Variants in KCNQ1 observed in about 807,000 individuals in gnomAD.
KCNQ1 encodes potassium voltage-gated channel subfamily KQT member 1.
In KCNQ1, 49 loss-of-function variants were observed where a neutral mutation model predicts 72.4. That is an observed-to-expected ratio of 0.68 (90% CI 0.54 to 0.86). The LOEUF (loss-of-function observed/expected upper bound fraction) is 0.86. KCNQ1 is among the 40% of genes least tolerant of loss of function. KCNQ1 has a pLI of 0.00. For missense variants in KCNQ1, 790 were observed against 945.1 expected (o/e 0.84, Z 2.15); for synonymous variants, 450 against 412.6 (o/e 1.09, Z -1.10).
chr11:2,457,504 A>G lies in KCNQ1; in HGVS notation c.386+12020A>G, dbSNP rs1846214509. Reference sequence around the variant, plus strand: ...GGATGCAGCTGGAGGTCGTTATCCTAAGTGAATTAATGCAGAAACTGAAAA... The same window carrying G: ...GGATGCAGCTGGAGGTCGTTATCCTGAGTGAATTAATGCAGAAACTGAAAA... On this transcript the variant is annotated intron_variant, in intron 1 of 15. Coordinates refer to ENST00000155840, the MANE Select transcript of KCNQ1 (RefSeq NM_000218.3). The surrounding 1 kb of genome is among the most constrained non-coding windows in gnomAD (Gnocchi z 5.0). Among the ~76,000 whole-genome samples the G allele has an allele frequency of 6.6e-6, 1 of 152,180 alleles. No homozygotes were observed. The highest frequency in any genetic ancestry group is 6.5e-5 in the Admixed American group (1 of 15,270).
rs1044243112 is a variant in KCNQ1, at chr11:2,668,334, T to C, written c.1514+6253T>C. ...GGGAATATATGCCTATGTGTGGAGC[T>C]GCAGGGTCCTGGGTGGGCATATGTT... On this transcript the variant is annotated intron_variant, in intron 11 of 15. Transcript: ENST00000155840. The surrounding 1 kb of genome is among the most constrained non-coding windows in gnomAD (Gnocchi z 4.3). The C allele has an allele frequency of 5.3e-5, 21 of 398,530 alleles. No homozygotes were observed. Among genetic ancestry groups the C allele is most frequent in the Non-Finnish European group, 8.8e-5 (20 of 226,094 alleles). The allele number at this position is 398,530 out of a possible 1,614,324, so 24.7% of individuals were successfully genotyped here. A position where few individuals can be genotyped will look rare whatever the true frequency, so the allele number is the denominator to read the frequency against.
chr11:2,621,826 G>A lies in KCNQ1; in HGVS notation c.1393+32972G>A, dbSNP rs1849177132. 2.5e-6 allele frequency: 1 copy of A among 398,108 alleles called. No homozygotes were observed. Among genetic ancestry groups the A allele is most frequent in the Non-Finnish European group, 4.4e-6 (1 of 225,920 alleles). The allele number at this position is 398,108 out of a possible 1,614,324, so 24.7% of individuals were successfully genotyped here. A position where few individuals can be genotyped will look rare whatever the true frequency, so the allele number is the denominator to read the frequency against. ...TCAATTCTTTGTTTCAAAAATTGAA[G>A]TCTTAGTTTTACTGACTTTTTTCCC... is the stretch of plus-strand genomic sequence containing the variant. On this transcript the variant is annotated intron_variant, in intron 10 of 15. Coordinates refer to ENST00000155840, the MANE Select transcript of KCNQ1 (RefSeq NM_000218.3). This position sits in a 1 kb window ranked among gnomAD's most constrained non-coding sequence, Gnocchi z 5.7.
chr11:2,540,576 C>G (rs541796414), intron 2 of KCNQ1, among the ~76,000 whole-genome samples: 3 of 152,352 alleles, frequency 2.0e-5, no homozygotes, highest in East Asian at 3.9e-4. Context: ...GAGATGCTCT[C>G]AACCCCAAGG....
chr11:2,644,315 T>C (rs1014073814), intron 10 of KCNQ1: 3 of 398,346 alleles, frequency 7.5e-6, no homozygotes, highest in African/African-American at 6.2e-5. Context: ...TTCAAAAGAC[T>C]TATCTTCAAG....
Position 2,602,671 on chromosome 11 carries a change from T to TA in KCNQ1, c.1393+13818dup, listed in dbSNP as rs1848824024. ...GTGGTTTACATTTACATTTCCTCAT[T>TA]AGGATGATACTGAACATCTTTTCAT... On this transcript the variant is annotated intron_variant, in intron 10 of 15. Coordinates refer to ENST00000155840, the MANE Select transcript of KCNQ1 (RefSeq NM_000218.3). The surrounding 1 kb of genome is among the most constrained non-coding windows in gnomAD (Gnocchi z 4.8). Among the ~76,000 whole-genome samples the TA allele has an allele frequency of 6.6e-6, 1 of 152,234 alleles. No homozygotes were observed. The highest frequency in any genetic ancestry group is 2.1e-4 in the South Asian group (1 of 4,828).
Position 2,673,436 on chromosome 11 carries a change from T to C in KCNQ1, c.1514+11355T>C. The C allele has an allele frequency of 2.5e-6, 1 of 398,680 alleles. No individual in the cohort carries two copies. Among genetic ancestry groups the C allele is most frequent in the East Asian group, 3.6e-5 (1 of 28,082 alleles). The allele number at this position is 398,680 out of a possible 1,614,324, so 24.7% of individuals were successfully genotyped here. The stretch of plus-strand genomic sequence containing the variant: ...AGGCACCAGGCCTGGAGGTTCCAAC[T>C]TGGTGTTGGGCCTCCTTGAGCCGGA... On this transcript the variant is annotated intron_variant, in intron 11 of 15. Transcript: ENST00000155840. This position sits in a 1 kb window ranked among gnomAD's most constrained non-coding sequence, Gnocchi z 4.5.
chr11:2,449,817 G>C (rs1421001838), intron 1 of KCNQ1, among the ~76,000 whole-genome samples: 1 of 152,162 alleles, frequency 6.6e-6, no homozygotes, highest in Non-Finnish European at 1.5e-5. Context: ...TTTCAAGTCT[G>C]CTCCTTCTGC....
chr11:2,775,653 C>T (rs568374179), intron 12 of KCNQ1, among the ~76,000 whole-genome samples: 245 of 152,288 alleles, frequency 1.6e-3, no homozygotes, highest in African/African-American at 5.5e-3. Context: ...AGAACCAGAA[C>T]TGGTAGCCTG....
chr11:2,649,377 GT>G (rs1040215924), intron 10 of KCNQ1: 4 of 398,018 alleles, frequency 1.0e-5, no homozygotes, highest in African/African-American at 2.1e-5. Context: ...TGCTCTACTA[GT>G]GTTTTATGCT....
rs768823764 is a variant in KCNQ1, at chr11:2,668,675, C to G, written c.1514+6594C>G. On this transcript the variant is annotated intron_variant, in intron 11 of 15. Transcript: ENST00000155840. The surrounding 1 kb of genome is among the most constrained non-coding windows in gnomAD (Gnocchi z 4.3). ...CTTTAGATATTCTGGAGTCATTTGT[C>G]AGAGAGAGAGATACACACACTCACA... 3 of 398,396 alleles carry G rather than the reference C, an allele frequency of 7.5e-6. No individual in the cohort carries two copies. Among genetic ancestry groups the G allele is most frequent in the African/African-American group, 2.1e-5 (1 of 48,602 alleles). 24.7% of individuals were successfully genotyped at this position (398,396 alleles called of 1,614,324 possible). A position where few individuals can be genotyped will look rare whatever the true frequency, so the allele number is the denominator to read the frequency against.
Position 2,826,480 on chromosome 11 carries a change from A to AC in KCNQ1, c.1795-21284dup, listed in dbSNP as rs1564907597. On this transcript the variant is annotated intron_variant, in intron 15 of 15. Coordinates refer to ENST00000155840, the MANE Select transcript of KCNQ1 (RefSeq NM_000218.3). The surrounding 1 kb of genome is among the most constrained non-coding windows in gnomAD (Gnocchi z 4.2). ...CAGACAGTCACGGAAACTCAGGCAG[A>AC]CCCGGCGTTGGGTGCGCCAGGCCGG... Among the ~76,000 whole-genome samples the AC allele has an allele frequency of 6.6e-6, 1 of 152,166 alleles. No homozygotes were observed.
rs377413062 is a variant in KCNQ1 at position 2,494,345 on chromosome 11, G to A, written c.387-33583G>A. On this transcript the variant is annotated intron_variant, in intron 1 of 15. Coordinates refer to ENST00000155840, the MANE Select transcript of KCNQ1 (RefSeq NM_000218.3). The surrounding 1 kb of genome is among the most constrained non-coding windows in gnomAD (Gnocchi z 4.6). Reference sequence around the variant, plus strand: ...CTATTTGAATACTCTTTATTTTTTCGCTTGCCTTATTGTCCTGGCCAGAAC... The same window carrying A: ...CTATTTGAATACTCTTTATTTTTTCACTTGCCTTATTGTCCTGGCCAGAAC... 1.5e-4 allele frequency among the ~76,000 whole-genome samples: 23 copies of A among 151,754 alleles called. No individual in the cohort carries two copies. The highest frequency in any genetic ancestry group is 2.9e-4 in the Non-Finnish European group (20 of 67,910).
rs1237649877 is a variant in KCNQ1, at chr11:2,550,729, G to T, written c.478-19899G>T. Among the ~76,000 whole-genome samples the T allele has an allele frequency of 6.6e-6, 1 of 152,164 alleles. No individual in the cohort carries two copies. Among genetic ancestry groups the T allele is most frequent in the Non-Finnish European group, 1.5e-5 (1 of 68,016 alleles). The stretch of plus-strand genomic sequence containing the variant: ...TTCTGGAAGGAGCCTCACAGGAAGG[G>T]CAGGGCAGCACCAGGCTCAGCCCAG... On this transcript the variant is annotated intron_variant, in intron 2 of 15. Transcript: ENST00000155840. This position sits in a 1 kb window ranked among gnomAD's most constrained non-coding sequence, Gnocchi z 6.0.
At chr11:2,831,098 G>T (rs234856) in intron 15 of KCNQ1, among the ~76,000 whole-genome samples, 34,556 of 152,242 alleles carry the variant, frequency 0.23, 4,072 homozygotes, top group Non-Finnish European at 0.28. Flanking sequence ...GGCATGCAGA[G>T]GGCAGCCCTG....
chr11:2,454,074 A>G (rs918407011), intron 1 of KCNQ1, among the ~76,000 whole-genome samples: 4 of 152,148 alleles, frequency 2.6e-5, no homozygotes, highest in Non-Finnish European at 5.9e-5. Flanking sequence ...CTGGCGTATC[A>G]GGATGCTTTT....
Position 2,772,810 on chromosome 11 carries a change from T to A in KCNQ1, c.1591-3150T>A, listed in dbSNP as rs535443161. 4.6e-5 allele frequency among the ~76,000 whole-genome samples: 7 copies of A among 152,182 alleles called. No individual in the cohort carries two copies. Among genetic ancestry groups the A allele is most frequent in the Non-Finnish European group, 1.0e-4 (7 of 68,030 alleles). On this transcript the variant is annotated intron_variant, in intron 12 of 15. Transcript: ENST00000155840. The surrounding 1 kb of genome is among the most constrained non-coding windows in gnomAD (Gnocchi z 6.6). Reference sequence around the variant, plus strand: ...CACACCTACACCCACCTGGTCACAGTGGCCCAGAGACTCCTAGGGCTTGGT... The same window carrying A: ...CACACCTACACCCACCTGGTCACAGAGGCCCAGAGACTCCTAGGGCTTGGT...
chr11:2,834,545 C>T (rs1232335407), intron 15 of KCNQ1, among the ~76,000 whole-genome samples: 1 of 152,188 alleles, frequency 6.6e-6, no homozygotes, highest in African/African-American at 2.4e-5. Context: ...CCAACACAGA[C>T]AGCACCAGAG....
chr11:2,844,870 C>A (rs1388781446), intron 15 of KCNQ1, among the ~76,000 whole-genome samples: 2 of 152,246 alleles, frequency 1.3e-5, no homozygotes. Context: ...CAAGCTGGGG[C>A]CTGCACAGTT....
chr11:2,521,315 C>T (rs746749477), intron 1 of KCNQ1, among the ~76,000 whole-genome samples: 10 of 152,180 alleles, frequency 6.6e-5, no homozygotes, highest in Non-Finnish European at 1.2e-4. Context: ...TGTCCGCTTC[C>T]CTGCGACGGT....
Sources: gnomAD v4.1 joint callset for allele counts (sites outside exome capture counted in the v4.1 genomes callset) on GRCh38, gnomAD v4.1.1 for gene constraint, Gnocchi (gnomAD v3.1) non-coding constraint, MANE v1.5 for transcripts, NCBI Gene and HGNC (gene_info 2026-07-23, HGNC 2026-07-21) for gene names.